Variants in MEGF11 observed in about 807,000 individuals in gnomAD.
MEGF11 encodes the protein multiple EGF like domains 11.
In MEGF11, 126 loss-of-function variants were observed where a neutral mutation model predicts 146.6. The ratio of observed to expected loss-of-function variants is 0.86; its 90% CI spans 0.74 to 1.00. The LOEUF (loss-of-function observed/expected upper bound fraction) is 1.00. MEGF11 is among the 50% of genes least tolerant of loss of function. MEGF11 has a pLI of 0.00. For synonymous variants in MEGF11, 532 were observed against 583.4 expected, an observed-to-expected ratio of 0.91 and a Z score of 1.27; for missense variants, 1,509 against 1,521.2, an observed-to-expected ratio of 0.99 and a Z score of 0.13.
chr15:66,247,941 G>T (rs796802489), intron 1 of MEGF11, among the ~76,000 whole-genome samples: 5 of 149,220 alleles, frequency 3.4e-5, no homozygotes, highest in Non-Finnish European at 7.4e-5. Flanking sequence ...AGGCTGGGGC[G>T]AGATGGCACC....
chr15:66,101,619 G>C (rs1397109103), intron 4 of MEGF11, among the ~76,000 whole-genome samples: 1 of 152,162 alleles, frequency 6.6e-6, no homozygotes, highest in African/African-American at 2.4e-5. Flanking sequence ...CCAGCACCTA[G>C]CATGATGCCC....
chr15:66,023,011 G>T (rs890432996), intron 5 of MEGF11, among the ~76,000 whole-genome samples: 1 of 151,746 alleles, frequency 6.6e-6, no homozygotes, highest in Non-Finnish European at 1.5e-5. Flanking sequence ...AAATTAGCCG[G>T]GTATGGTGGT....
chr15:65,934,948 A>G (rs2079715743), intron 10 of MEGF11, among the ~76,000 whole-genome samples: 2 of 152,116 alleles, frequency 1.3e-5, no homozygotes, highest in Admixed American at 1.3e-4. Context: ...GTTTCCCTGA[A>G]TTCTGTGAAC....
chr15:66,041,747 C>T (rs2083988237), intron 5 of MEGF11, among the ~76,000 whole-genome samples: 1 of 152,072 alleles, frequency 6.6e-6, no homozygotes, highest in South Asian at 2.1e-4. Flanking sequence ...TTTGCCAATC[C>T]CTGTATTAAC....
intron 5 of MEGF11, among the ~76,000 whole-genome samples, chr15:65,988,425 G>A (rs2081936569): frequency 6.6e-6 from 1 of 152,200 alleles, no homozygotes; most frequent in Non-Finnish European, 1.5e-5. Context: ...GTTCATCCAT[G>A]TTGTAGCCTG....
intron 5 of MEGF11, among the ~76,000 whole-genome samples, chr15:66,007,610 C>T (rs1162367280): frequency 1.3e-5 from 2 of 152,102 alleles, no homozygotes; most frequent in Non-Finnish European, 2.9e-5. Context: ...ATTAGCCAAG[C>T]ATGGTGGTAC....
intron 19 of MEGF11, 72 bp from the exon 20 acceptor site, chr15:65,914,045 G>C: frequency 8.4e-7 from 1 of 1,194,302 alleles, no homozygotes; most frequent in Non-Finnish European, 1.2e-6. Flanking sequence ...CCTGGGTTCA[G>C]ATGCGTGTAA....
At chr15:65,989,508 A>G (rs957721874) in intron 5 of MEGF11, among the ~76,000 whole-genome samples, 1 of 152,236 alleles carries the variant, frequency 6.6e-6, no homozygotes, top group African/African-American at 2.4e-5. Flanking sequence ...TCCTGAGTTT[A>G]CAAAGCAGTA....
intron 5 of MEGF11, among the ~76,000 whole-genome samples, chr15:65,983,478 A>G (rs913691138): frequency 6.6e-6 from 1 of 152,184 alleles, no homozygotes; most frequent in Non-Finnish European, 1.5e-5. Context: ...GGGTGAAAGT[A>G]GGGTGTGGAG....
intron 1 of MEGF11, among the ~76,000 whole-genome samples, chr15:66,235,123 C>G (rs1006692567): frequency 6.6e-6 from 1 of 152,186 alleles, no homozygotes; most frequent in Non-Finnish European, 1.5e-5. Context: ...TGCTTAAATC[C>G]CTTGTGTTAC....
chr15:66,147,914 G>A (rs55636524), intron 1 of MEGF11, among the ~76,000 whole-genome samples: 1,560 of 152,310 alleles, frequency 0.01, 39 homozygotes, highest in African/African-American at 0.036. Context: ...CATTAATAGG[G>A]GAATGATGTT....
chr15:66,157,231 A>ACGTAGCCAGCCTCC (rs2141061244), intron 1 of MEGF11, among the ~76,000 whole-genome samples: 2 of 152,322 alleles, frequency 1.3e-5, no homozygotes, highest in East Asian at 3.9e-4. Flanking sequence ...CCACGGGCAA[A>ACGTAGCCAGCCTCC]CGTAGCCAGC....
chr15:65,925,874 G>A (rs2079355498), intron 13 of MEGF11, among the ~76,000 whole-genome samples: 2 of 152,196 alleles, frequency 1.3e-5, no homozygotes, highest in African/African-American at 4.8e-5. Flanking sequence ...AGGGAGACAA[G>A]CATCTCTTTG....
intron 10 of MEGF11, among the ~76,000 whole-genome samples, chr15:65,934,819 G>A (rs1036168713): frequency 3.9e-5 from 6 of 152,160 alleles, no homozygotes; most frequent in South Asian, 2.1e-4. Flanking sequence ...TGGAGGTTCC[G>A]GGAAGATTGT....
intron 1 of MEGF11, among the ~76,000 whole-genome samples, chr15:66,203,928 T>C (rs1022686092): frequency 2.0e-5 from 3 of 152,162 alleles, no homozygotes; most frequent in Non-Finnish European, 2.9e-5. Context: ...GGAGTGAATA[T>C]CTTGATATAA....
intron 1 of MEGF11, among the ~76,000 whole-genome samples, chr15:66,131,130 A>G (rs2088630090): frequency 6.6e-6 from 1 of 152,232 alleles, no homozygotes; most frequent in Non-Finnish European, 1.5e-5. Context: ...GCAGAGGTGG[A>G]AAATTTTCTT....
At chr15:66,240,066 C>T (rs2092178483) in intron 1 of MEGF11, among the ~76,000 whole-genome samples, 1 of 152,150 alleles carries the variant, frequency 6.6e-6, no homozygotes, top group Non-Finnish European at 1.5e-5. Context: ...TTTCCTTTTT[C>T]CTCTCCCTCT....
At chr15:66,015,406 T>C (rs957828218) in intron 5 of MEGF11, among the ~76,000 whole-genome samples, 5 of 152,240 alleles carry the variant, frequency 3.3e-5, no homozygotes, top group African/African-American at 1.2e-4. Flanking sequence ...TAACCTCTTG[T>C]TGAATGTTAA....
At chr15:66,090,865 T>C (rs2086292120) in intron 5 of MEGF11, among the ~76,000 whole-genome samples, 1 of 152,228 alleles carries the variant, frequency 6.6e-6, no homozygotes, top group Non-Finnish European at 1.5e-5. Flanking sequence ...AGCTCATATA[T>C]TTGATCTAAA....
Sources: gnomAD v4.1 joint callset for allele counts (sites outside exome capture counted in the v4.1 genomes callset) on GRCh38, gnomAD v4.1.1 for gene constraint, MANE v1.5 for transcripts, NCBI Gene and HGNC (gene_info 2026-07-23, HGNC 2026-07-21) for gene names.